RAB27A: variants seen among roughly 807,000 people sequenced by gnomAD.
RAB27A encodes the protein ras-related protein Rab-27A.
A neutral mutation model predicts 20.8 loss-of-function variants in RAB27A; 17 were observed. That is an observed-to-expected ratio of 0.82 (90% confidence interval 0.56 to 1.23). The LOEUF (loss-of-function observed/expected upper bound fraction) is 1.23, where lower values mean the gene tolerates loss of function less well. Among genes scored for constraint, RAB27A ranks in the 50% most tolerant of loss-of-function variants. The pLI is 0.00. For synonymous variants in RAB27A, 85 were observed against 92.8 expected (o/e 0.92, Z 0.48); for missense variants, 277 against 266.7 (o/e 1.04, Z -0.27).
chr15:55,260,817 G>T (rs145281113), intron 2 of RAB27A, among the ~76,000 whole-genome samples: 227 of 152,272 alleles, frequency 1.5e-3, no homozygotes, highest in African/African-American at 5.3e-3. Flanking sequence ...GATTTTTAGG[G>T]CAGTGAAACT....
intron 1 of RAB27A, among the ~76,000 whole-genome samples, chr15:55,280,050 A>T (rs183584395): frequency 1.3e-5 from 2 of 152,290 alleles, no homozygotes; most frequent in East Asian, 3.9e-4. Flanking sequence ...GGTGGTGCTG[A>T]TGTTACTGGT....
intron 2 of RAB27A, among the ~76,000 whole-genome samples, chr15:55,300,271 T>C (rs2054966506): frequency 6.6e-6 from 1 of 152,140 alleles, no homozygotes; most frequent in Non-Finnish European, 1.5e-5. Flanking sequence ...TGTGTATATA[T>C]AAGTATACAT....
At chr15:55,299,284 A>G (rs1035589582) in intron 2 of RAB27A, among the ~76,000 whole-genome samples, 1 of 152,134 alleles carries the variant, frequency 6.6e-6, no homozygotes, top group Non-Finnish European at 1.5e-5. Flanking sequence ...CGGTCCCTCC[A>G]TTTGGGGCCC....
intron 1 of RAB27A, among the ~76,000 whole-genome samples, chr15:55,276,123 G>A (rs1897868405): frequency 1.3e-5 from 2 of 152,090 alleles, no homozygotes; most frequent in South Asian, 4.1e-4. Flanking sequence ...TAATACATCT[G>A]AAAGAATTGA....
chr15:55,305,938 CTT>C (rs899495759), intron 2 of RAB27A, among the ~76,000 whole-genome samples: 4 of 152,146 alleles, frequency 2.6e-5, no homozygotes, highest in African/African-American at 9.7e-5. Context: ...AATGGGTACT[CTT>C]TTGTTGCAGG....
chr15:55,205,042 G>A lies in RAB27A; in HGVS notation c.*465C>T, dbSNP rs1894576011. On this transcript the variant is annotated 3_prime_UTR_variant, in exon 7 of 7. Coordinates refer to ENST00000336787, the MANE Select transcript of RAB27A (RefSeq NM_183235.3). ...GTATATTCTTATTTAACATTTAAGT[G>A]GCTTTAATGGTATTTTAGAATGTCA... 1 of 200,672 alleles carries A rather than the reference G, an allele frequency of 5.0e-6. No homozygotes were observed. The highest frequency in any genetic ancestry group is 2.4e-5 in the African/African-American group (1 of 41,992). 12.4% of individuals were successfully genotyped at this position (200,672 alleles called of 1,614,324 possible).
chr15:55,209,945 C>A, intron 6 of RAB27A, among the ~76,000 whole-genome samples: 1 of 115,388 alleles, frequency 8.7e-6, no homozygotes, highest in African/African-American at 4.4e-5. Flanking sequence ...TGTACATGTA[C>A]ACACATACGC....
chr15:55,305,802 G>A lies in RAB27A; in HGVS notation c.-112+8237C>T, dbSNP rs184801119. ...GATCTTGCTCGGTGACCAGGGAATCGGCGACCTGTTCCATGTCACCATTTA... is the reference window on the plus strand; with the variant it reads ...GATCTTGCTCGGTGACCAGGGAATCAGCGACCTGTTCCATGTCACCATTTA... On this transcript the variant is annotated intron_variant, in intron 2 of 5. Transcript: ENST00000563262. Among the ~76,000 whole-genome samples, 26 of 152,272 alleles carry A rather than the reference G, an allele frequency of 1.7e-4. No homozygotes were observed. The East Asian group carries it at 4.2e-3, about 25-fold the overall frequency.
chr15:55,258,066 CA>C (rs553999609), intron 2 of RAB27A, among the ~76,000 whole-genome samples: 314 of 61,986 alleles, frequency 5.1e-3, no homozygotes, highest in Middle Eastern at 0.03. Context: ...GACTCAGTCT[CA>C]AAAAAAAAAA....
At chr15:55,304,307 C>A (rs1469314359) in intron 2 of RAB27A, among the ~76,000 whole-genome samples, 3 of 151,220 alleles carry the variant, frequency 2.0e-5, no homozygotes, top group Non-Finnish European at 4.4e-5. Context: ...TCTCAAGTAC[C>A]CAGGGACACA....
At chr15:55,274,138 C>A (rs1407711402) in intron 1 of RAB27A, among the ~76,000 whole-genome samples, 1 of 152,114 alleles carries the variant, frequency 6.6e-6, no homozygotes, top group Non-Finnish European at 1.5e-5. Flanking sequence ...GTAACATAAT[C>A]CTGAACAGCC....
At chr15:55,292,861 A>G (rs1213975089), upstream of RAB27A, among the ~76,000 whole-genome samples, 2 of 152,240 alleles carry the variant, frequency 1.3e-5, no homozygotes, top group Non-Finnish European at 2.9e-5. Flanking sequence ...TGAGAGGGCA[A>G]TAGGCTTGTT....
chr15:55,317,246 G>C (rs2055052584), intron 1 of RAB27A: 1 of 152,598 alleles, frequency 6.6e-6, no homozygotes, highest in African/African-American at 2.4e-5. Flanking sequence ...TGCTAGATTA[G>C]AGTTAACATA....
upstream of RAB27A, among the ~76,000 whole-genome samples, chr15:55,294,448 C>T (rs569717406): frequency 1.6e-3 from 239 of 151,852 alleles, 1 homozygote; most frequent in Admixed American, 2.6e-3. Context: ...ATTAGCCAGA[C>T]GTGGTGGCTT....
chr15:55,263,240 T>C (rs960259678), intron 2 of RAB27A, among the ~76,000 whole-genome samples: 10 of 152,160 alleles, frequency 6.6e-5, no homozygotes, highest in African/African-American at 1.9e-4. Flanking sequence ...GGGAGGTAGT[T>C]CTCAGGGTAA....
At chr15:55,256,942 C>G (rs1226140545) in intron 2 of RAB27A, among the ~76,000 whole-genome samples, 1 of 152,182 alleles carries the variant, frequency 6.6e-6, no homozygotes, top group Non-Finnish European at 1.5e-5. Context: ...TCACCTCTCA[C>G]TCCTTGAAGA....
At chr15:55,307,123 A>G (rs2055000226) in intron 2 of RAB27A, among the ~76,000 whole-genome samples, 1 of 151,980 alleles carries the variant, frequency 6.6e-6, no homozygotes, top group Non-Finnish European at 1.5e-5. Flanking sequence ...GGGATGGGGA[A>G]TTAGAGGGAA....
At position 55,230,487 on chromosome 15, in the gene RAB27A, C is replaced by G. The variant is rs1188019100; in HGVS notation, c.154-1G>C. 6.2e-7 allele frequency: 1 copy of G among 1,611,288 alleles called. No homozygotes were observed. The highest frequency in any genetic ancestry group is 8.5e-7 in the Non-Finnish European group (1 of 1,177,746). On this transcript the variant is annotated splice_acceptor_variant, in intron 3 of 6. Transcript: ENST00000336787. LOFTEE classifies it high-confidence loss of function. Reference sequence around the variant, plus strand: ...CATCCGGCCCACTGGCTCTGTACACCTAAAACAGCAAAGTGAAAGAGAAAA... The same window carrying G: ...CATCCGGCCCACTGGCTCTGTACACGTAAAACAGCAAAGTGAAAGAGAAAA...
intron 2 of RAB27A, among the ~76,000 whole-genome samples, chr15:55,302,283 C>T (rs961909092): frequency 6.6e-5 from 10 of 152,182 alleles, no homozygotes; most frequent in Non-Finnish European, 1.2e-4. Context: ...CTGTGTTGGC[C>T]GGGCCGGTCT....
Sources: allele counts gnomAD v4.1 joint callset (sites outside exome capture counted in the v4.1 genomes callset), GRCh38; gene constraint gnomAD v4.1.1; transcripts MANE v1.5; gene names NCBI Gene and HGNC (gene_info 2026-07-23, HGNC 2026-07-21).